Variants in CTTNBP2NL observed in about 807,000 individuals in gnomAD.
CTTNBP2NL encodes the protein CTTNBP2 N-terminal-like protein.
In CTTNBP2NL, 16 loss-of-function variants were observed where a neutral mutation model predicts 32.5. The ratio of observed to expected loss-of-function variants is 0.49; its 90% confidence interval spans 0.33 to 0.75. The LOEUF (loss-of-function observed/expected upper bound fraction) is 0.75. Among genes scored for constraint, CTTNBP2NL ranks in the 30% least tolerant of loss-of-function variants. CTTNBP2NL has a pLI of 0.02. For synonymous variants in CTTNBP2NL, 298 were observed against 289.4 expected (o/e 1.03, Z -0.30); for missense variants, 645 against 756.0 (o/e 0.85, Z 1.72).
chr1:112,431,564 TTC>T (rs1232849775), intron 3 of CTTNBP2NL, among the ~76,000 whole-genome samples: 4 of 152,188 alleles, frequency 2.6e-5, no homozygotes, highest in African/African-American at 4.8e-5. Flanking sequence ...TACAAAACAG[TTC>T]TCTCACATAT....
intron 3 of CTTNBP2NL, among the ~76,000 whole-genome samples, chr1:112,426,581 T>C (rs923492951): frequency 3.3e-5 from 5 of 150,232 alleles, no homozygotes; most frequent in Non-Finnish European, 5.9e-5. Context: ...GTCCAGTAAT[T>C]AAATCATTTT....
chr1:112,440,848 T>G (rs969383840), intron 3 of CTTNBP2NL, among the ~76,000 whole-genome samples: 1 of 152,178 alleles, frequency 6.6e-6, no homozygotes, highest in African/African-American at 2.4e-5. Flanking sequence ...TAGGAATAGA[T>G]TAGATATGTA....
At chr1:112,437,616 T>G (rs1265415054) in intron 3 of CTTNBP2NL, among the ~76,000 whole-genome samples, 1 of 152,120 alleles carries the variant, frequency 6.6e-6, no homozygotes, top group Non-Finnish European at 1.5e-5. Context: ...CTCTGCCTCC[T>G]GGGTTCAAGT....
intron 4 of CTTNBP2NL, among the ~76,000 whole-genome samples, chr1:112,452,645 CT>C (rs34842059): frequency 7.5e-4 from 100 of 133,032 alleles, no homozygotes; most frequent in South Asian, 2.1e-3. Flanking sequence ...CTCCTGGCCT[CT>C]TTTTTTTTTT....
Position 112,460,390 on chromosome 1 carries a change from A to G in CTTNBP2NL, c.*2978A>G, listed in dbSNP as rs751371246. On this transcript the variant is annotated 3_prime_UTR_variant, in exon 6 of 6. Coordinates refer to ENST00000271277, the MANE Select transcript of CTTNBP2NL (RefSeq NM_018704.3). The stretch of plus-strand genomic sequence containing the variant: ...CCATCCAGGTTAGACTCCATAAGGA[A>G]CTAAGACATTGATTTTCTTTAGAGT... The G allele has an allele frequency of 6.6e-6, 1 of 152,204 alleles. No individual in the cohort carries two copies. The highest frequency in any genetic ancestry group is 1.5e-5 in the Non-Finnish European group (1 of 68,036). 9.4% of individuals were successfully genotyped at this position (152,204 alleles called of 1,614,324 possible). A position where few individuals can be genotyped will look rare whatever the true frequency, so the allele number is the denominator to read the frequency against.
At chr1:112,421,449 C>T (rs559770362) in intron 3 of CTTNBP2NL, among the ~76,000 whole-genome samples, 4 of 150,884 alleles carry the variant, frequency 2.7e-5, no homozygotes, top group East Asian at 2.0e-4. Flanking sequence ...TGCAGGTGTG[C>T]GCCACCACGC....
chr1:112,433,723 G>A (rs776447376), intron 3 of CTTNBP2NL, among the ~76,000 whole-genome samples: 32 of 151,924 alleles, frequency 2.1e-4, no homozygotes, highest in Non-Finnish European at 3.2e-4. Flanking sequence ...AAAATGTATT[G>A]CCTTGTGTGT....
At chr1:112,405,651 T>C (rs573271865) in intron 1 of CTTNBP2NL, among the ~76,000 whole-genome samples, 2 of 152,334 alleles carry the variant, frequency 1.3e-5, no homozygotes, top group East Asian at 3.9e-4. Context: ...GGAAGAGATA[T>C]CTGAATGTTT....
Position 112,457,213 on chromosome 1 carries a change from C to A in CTTNBP2NL, c.1721C>A (p.Ala574Asp). Residue 574 changes from alanine (A) to aspartate (D), a missense_variant, in exon 6 of 6, where the codon GCT becomes GAT. By Grantham distance (126) the Ala-to-Asp change is moderately radical. Transcript: ENST00000271277. ...PGIKSPTIPR[A>D]ERGNPPPIPP... ...ATCAAGTCCCCAACCATCCCCAGAG[C>A]TGAGAGAGGAAACCCTCCACCCATC... is the stretch of plus-strand genomic sequence containing the variant. 3.1e-6 allele frequency: 5 copies of A among 1,614,172 alleles called. No homozygotes were observed. The highest frequency in any genetic ancestry group is 4.2e-6 in the Non-Finnish European group (5 of 1,180,030).
At chr1:112,424,967 C>T (rs1177084464) in intron 3 of CTTNBP2NL, among the ~76,000 whole-genome samples, 1 of 151,686 alleles carries the variant, frequency 6.6e-6, no homozygotes, top group Non-Finnish European at 1.5e-5. Context: ...AGGCACACAC[C>T]ACAACGCCCA....
intron 4 of CTTNBP2NL, among the ~76,000 whole-genome samples, chr1:112,452,156 T>A (rs970925596): frequency 6.6e-6 from 1 of 151,994 alleles, no homozygotes; most frequent in Non-Finnish European, 1.5e-5. Flanking sequence ...GTGCCAAATT[T>A]TTTTTCTTTC....
intron 3 of CTTNBP2NL, among the ~76,000 whole-genome samples, chr1:112,437,518 T>G (rs6695155): frequency 0.56 from 83,470 of 149,260 alleles, 24,046 homozygotes; most frequent in South Asian, 0.71. Context: ...AGTTCCTTTG[T>G]TTTTTTTTGT....
intron 3 of CTTNBP2NL, among the ~76,000 whole-genome samples, chr1:112,425,575 T>G (rs1376116414): frequency 6.6e-6 from 1 of 152,002 alleles, no homozygotes; most frequent in Non-Finnish European, 1.5e-5. Flanking sequence ...AAAATAAATT[T>G]CATGGGGGCC....
At chr1:112,421,332 A>G (rs1649225259) in intron 3 of CTTNBP2NL, among the ~76,000 whole-genome samples, 1 of 53,660 alleles carries the variant, frequency 1.9e-5, no homozygotes, top group African/African-American at 5.1e-5. Context: ...TTTTTTTGAG[A>G]CGGAGTTGCC....
chr1:112,447,229 G>C (rs535819453), intron 3 of CTTNBP2NL, among the ~76,000 whole-genome samples: 1 of 137,152 alleles, frequency 7.3e-6, no homozygotes, highest in South Asian at 2.4e-4. Flanking sequence ...AGCCAAGATT[G>C]TGCCACTGCT....
chr1:112,412,517 T>G (rs556725512), intron 2 of CTTNBP2NL, among the ~76,000 whole-genome samples, 200 bp downstream of exon 2: 7 of 152,060 alleles, frequency 4.6e-5, no homozygotes, highest in Non-Finnish European at 8.8e-5. Context: ...AAAACAGATC[T>G]GTTGGTTCTT....
At chr1:112,432,636 T>G (rs79577708) in intron 3 of CTTNBP2NL, among the ~76,000 whole-genome samples, 4,850 of 152,132 alleles carry the variant, frequency 0.032, 122 homozygotes, top group Non-Finnish European at 0.049. Context: ...ACCCTGTTTC[T>G]TCATGACCAT....
intron 5 of CTTNBP2NL, 112 bp from the exon 6 acceptor site, chr1:112,455,819 G>T (rs1188380314): frequency 2.8e-6 from 2 of 721,582 alleles, no homozygotes; most frequent in Non-Finnish European, 4.5e-6. Flanking sequence ...AGAAATACTT[G>T]ATCTAAGCAC....
intron 3 of CTTNBP2NL, among the ~76,000 whole-genome samples, chr1:112,433,277 C>T (rs370721590): frequency 2.0e-5 from 3 of 151,862 alleles, no homozygotes; most frequent in African/African-American, 4.8e-5. Context: ...TGTGTATGTG[C>T]GTGCATGCGT....
Sources: allele counts gnomAD v4.1 joint callset (sites outside exome capture counted in the v4.1 genomes callset), GRCh38; gene constraint gnomAD v4.1.1; transcripts MANE v1.5; gene names NCBI Gene and HGNC (gene_info 2026-07-23, HGNC 2026-07-21).